The following LUZP2 variants were observed in gnomAD, a reference collection of about 807,000 sequenced individuals.
LUZP2 encodes the protein leucine zipper protein 2.
A neutral mutation model predicts 51.6 loss-of-function variants in LUZP2; 52 were observed. The ratio of observed to expected loss-of-function variants is 1.01; its 90% CI spans 0.81 to 1.27. The LOEUF (loss-of-function observed/expected upper bound fraction) is 1.27. LUZP2 is among the 50% of genes most tolerant of loss of function. The pLI, the probability that LUZP2 is intolerant of heterozygous loss-of-function variation, is 0.00. For synonymous variants in LUZP2, 154 were observed against 137.3 expected, an observed-to-expected ratio of 1.12 and a Z score of -0.85; for missense variants, 436 against 395.4, an observed-to-expected ratio of 1.10 and a Z score of -0.87.
chr11:24,497,622 A>C (rs557362586), intron 1 of LUZP2, among the ~76,000 whole-genome samples: 1 of 152,312 alleles, frequency 6.6e-6, no homozygotes, highest in East Asian at 1.9e-4. Context: ...TAAAAGAACA[A>C]AATAAAGAAC....
At chr11:24,685,979 G>A (rs1239949293) in intron 1 of LUZP2, among the ~76,000 whole-genome samples, 1 of 152,166 alleles carries the variant, frequency 6.6e-6, no homozygotes, top group Non-Finnish European at 1.5e-5. Context: ...AACTAGAAAT[G>A]AGGAGTATCA....
At chr11:24,672,782 G>C (rs920131353) in intron 1 of LUZP2, among the ~76,000 whole-genome samples, 1 of 152,150 alleles carries the variant, frequency 6.6e-6, no homozygotes, top group Non-Finnish European at 1.5e-5. Flanking sequence ...CTACAAACCT[G>C]TACAGCACAT....
At chr11:24,653,511 A>T (rs1855702043) in intron 1 of LUZP2, among the ~76,000 whole-genome samples, 1 of 152,096 alleles carries the variant, frequency 6.6e-6, no homozygotes, top group African/African-American at 2.4e-5. Context: ...TTCCCTATAT[A>T]AGTCCGAATT....
chr11:24,962,877 C>T (rs543981708), intron 7 of LUZP2, among the ~76,000 whole-genome samples: 59 of 152,218 alleles, frequency 3.9e-4, no homozygotes, highest in African/African-American at 1.4e-3. Context: ...TCTGTTTTTT[C>T]CCCATCTTTG....
chr11:24,742,057 T>TTATATATATATATATATATATATATA lies in LUZP2; in HGVS notation c.333+3774_333+3775insATATATATATATATATATATATATAT, dbSNP rs1554983398. On this transcript the variant is annotated intron_variant, in intron 4 of 11. Coordinates refer to ENST00000336930, the MANE Select transcript of LUZP2 (RefSeq NM_001009909.4). ...TATAAATACATAAAAATAAATATAA[T>TTATATATATATATATATATATATATA]TATATATATATATATATATCACCAT... 1.4e-3 allele frequency among the ~76,000 whole-genome samples: 157 copies of TTATATATATATATATATATATATATA among 116,270 alleles called. 8 individuals carry two copies. The highest frequency in any genetic ancestry group is 3.7e-3 in the African/African-American group (87 of 23,830). The allele number at this position is 116,270 out of a possible 152,430, so 76.3% of individuals were successfully genotyped here.
intron 1 of LUZP2, among the ~76,000 whole-genome samples, chr11:24,686,023 C>A (rs1310638576): frequency 6.6e-6 from 1 of 152,100 alleles, no homozygotes; most frequent in African/African-American, 2.4e-5. Context: ...GTGTTGTAAT[C>A]ATTCCTCTCA....
At chr11:24,572,148 G>A (rs1509591) in intron 1 of LUZP2, among the ~76,000 whole-genome samples, 90,589 of 151,664 alleles carry the variant, frequency 0.6, 27,643 homozygotes, top group East Asian at 0.8. Flanking sequence ...AGGCCATCAT[G>A]CTTACTCTGC....
At chr11:24,904,064 A>G (rs528857033) in intron 5 of LUZP2, among the ~76,000 whole-genome samples, 1 of 152,240 alleles carries the variant, frequency 6.6e-6, no homozygotes, top group Non-Finnish European at 1.5e-5. Context: ...GTTTTCCGTA[A>G]TGGCTGTACT....
chr11:25,019,273 G>A (rs1171455753), intron 9 of LUZP2, among the ~76,000 whole-genome samples: 1 of 152,036 alleles, frequency 6.6e-6, no homozygotes, highest in African/African-American at 2.4e-5. Context: ...CTATCATATA[G>A]AATGTCATAC....
chr11:24,556,178 C>A (rs1469142979), intron 1 of LUZP2, among the ~76,000 whole-genome samples: 1 of 152,066 alleles, frequency 6.6e-6, no homozygotes, highest in Non-Finnish European at 1.5e-5. Context: ...ATACTTCCAC[C>A]CCTGCCATCT....
chr11:25,009,075 A>G (rs999027181), intron 9 of LUZP2, among the ~76,000 whole-genome samples: 1 of 152,172 alleles, frequency 6.6e-6, no homozygotes, highest in Non-Finnish European at 1.5e-5. Context: ...CAAAAAGGTA[A>G]AAACTTTTCA....
intron 7 of LUZP2, among the ~76,000 whole-genome samples, chr11:24,961,744 T>G (rs1022524299): frequency 1.3e-5 from 2 of 151,826 alleles, no homozygotes; most frequent in African/African-American, 4.8e-5. Flanking sequence ...TTAGTCCATT[T>G]ACATTTAAAG....
intron 9 of LUZP2, among the ~76,000 whole-genome samples, chr11:24,986,042 A>G (rs1030523055): frequency 6.6e-6 from 1 of 151,498 alleles, no homozygotes; most frequent in Non-Finnish European, 1.5e-5. Flanking sequence ...TTGCTGAGAT[A>G]CTCTCTAATG....
At chr11:24,641,823 G>A (rs1258392527) in intron 1 of LUZP2, among the ~76,000 whole-genome samples, 1 of 151,850 alleles carries the variant, frequency 6.6e-6, no homozygotes, top group African/African-American at 2.4e-5. Context: ...TGTTATCTGG[G>A]ATAACACATT....
At chr11:24,879,469 T>C (rs1167146216) in intron 5 of LUZP2, among the ~76,000 whole-genome samples, 1 of 152,172 alleles carries the variant, frequency 6.6e-6, no homozygotes, top group Non-Finnish European at 1.5e-5. Context: ...GTATTTCTGG[T>C]TCTGGATCCT....
chr11:24,811,559 T>C (rs971417972), intron 5 of LUZP2, among the ~76,000 whole-genome samples: 6 of 152,030 alleles, frequency 3.9e-5, no homozygotes, highest in African/African-American at 1.4e-4. Context: ...AGATAAATTA[T>C]GTGTTGCAGA....
chr11:24,851,176 TC>T (rs1437812567), intron 5 of LUZP2, among the ~76,000 whole-genome samples: 1 of 152,204 alleles, frequency 6.6e-6, no homozygotes, highest in Non-Finnish European at 1.5e-5. Flanking sequence ...AGAGAGGGCA[TC>T]CTTGTCTTGT....
intron 7 of LUZP2, among the ~76,000 whole-genome samples, chr11:24,938,567 C>A (rs1465335907): frequency 1.6e-5 from 2 of 123,606 alleles, no homozygotes; most frequent in Non-Finnish European, 3.4e-5. Flanking sequence ...TTGAAAATAG[C>A]TCTGTGGATT....
At chr11:24,676,082 G>A (rs1856541198) in intron 1 of LUZP2, among the ~76,000 whole-genome samples, 2 of 151,980 alleles carry the variant, frequency 1.3e-5, no homozygotes, top group African/African-American at 2.4e-5. Context: ...GCCTCCCAAA[G>A]TGCTATGATT....
Sources: gnomAD v4.1 joint callset for allele counts (sites outside exome capture counted in the v4.1 genomes callset) on GRCh38, gnomAD v4.1.1 for gene constraint, MANE v1.5 for transcripts, NCBI Gene and HGNC (gene_info 2026-07-23, HGNC 2026-07-21) for gene names.